Variants in C1QTNF3 observed in about 807,000 individuals in gnomAD.
C1QTNF3 encodes the protein C1q and TNF related 3.
C1QTNF3 carries 26 observed loss-of-function variants against 32.6 expected under a neutral mutation model. The ratio of observed to expected loss-of-function variants is 0.80; its 90% confidence interval spans 0.58 to 1.11. The LOEUF (loss-of-function observed/expected upper bound fraction) is 1.11, where lower values mean the gene tolerates loss of function less well. C1QTNF3 is among the 50% of genes least tolerant of loss of function. C1QTNF3 has a pLI of 0.00. For missense variants in C1QTNF3, 362 were observed against 398.2 expected (o/e 0.91, Z 0.77); for synonymous variants, 155 against 146.0 (o/e 1.06, Z -0.44).
At chr5:34,229,914 G>T in the C1QTNF3 span, among the ~76,000 whole-genome samples, 3 of 152,076 alleles carry the variant, frequency 2.0e-5, no homozygotes, top group African/African-American at 7.2e-5. Flanking sequence ...ATAAGAAAAG[G>T]TGGAGATACT....
chr5:34,170,671 C>T, the C1QTNF3 span, among the ~76,000 whole-genome samples: 7 of 152,080 alleles, frequency 4.6e-5, no homozygotes, highest in Non-Finnish European at 1.0e-4. Flanking sequence ...AAAATTCAAA[C>T]TTCAGAAAAT....
the C1QTNF3 span, among the ~76,000 whole-genome samples, chr5:34,160,307 T>C: frequency 2.0e-5 from 3 of 152,220 alleles, no homozygotes; most frequent in Non-Finnish European, 2.9e-5. Context: ...TTGAAATCAT[T>C]AGTTTATTTC....
chr5:34,018,565 A>T lies in C1QTNF3; in HGVS notation c.*2018T>A, dbSNP rs1190592770. Among the ~76,000 whole-genome samples, 1 of 152,222 alleles carries T rather than the reference A, an allele frequency of 6.6e-6. No homozygotes were observed. The highest frequency in any genetic ancestry group is 1.9e-4 in the East Asian group (1 of 5,196). On this transcript the variant is annotated 3_prime_UTR_variant, in exon 6 of 6. Transcript: ENST00000382065. Reference sequence around the variant, plus strand: ...TCTTGCATAAAGTAAATGTTTATGAATTCCAGCCACATCATTTGGAGTTTA... The same window carrying T: ...TCTTGCATAAAGTAAATGTTTATGATTTCCAGCCACATCATTTGGAGTTTA...
At chr5:34,173,006 G>A in the C1QTNF3 span, among the ~76,000 whole-genome samples, 3 of 152,078 alleles carry the variant, frequency 2.0e-5, no homozygotes, top group South Asian at 4.1e-4. Flanking sequence ...TTAGGTTCAA[G>A]GGTGGACTTT....
At chr5:34,242,492 C>T in the C1QTNF3 span, among the ~76,000 whole-genome samples, 1 of 152,166 alleles carries the variant, frequency 6.6e-6, no homozygotes, top group Admixed American at 6.5e-5. Flanking sequence ...TTACCTTCCA[C>T]CATACACATA....
the C1QTNF3 span, among the ~76,000 whole-genome samples, chr5:34,091,671 C>G: frequency 6.6e-6 from 1 of 152,232 alleles, no homozygotes; most frequent in African/African-American, 2.4e-5. Flanking sequence ...TATAAACTGA[C>G]TTAAAACCTT....
chr5:34,173,988 A>G, the C1QTNF3 span, among the ~76,000 whole-genome samples: 2 of 152,338 alleles, frequency 1.3e-5, no homozygotes, highest in South Asian at 4.1e-4. Flanking sequence ...TTGATCATGG[A>G]GTCTCTAGAA....
At chr5:34,224,989 G>A in the C1QTNF3 span, among the ~76,000 whole-genome samples, 41 of 152,122 alleles carry the variant, frequency 2.7e-4, no homozygotes, top group South Asian at 1.2e-3. Context: ...AAAAGTGGGC[G>A]AAGGACATGA....
At chr5:34,186,781 G>A in the C1QTNF3 span, among the ~76,000 whole-genome samples, 1 of 152,414 alleles carries the variant, frequency 6.6e-6, no homozygotes, top group East Asian at 1.9e-4. Context: ...CATAATTTCT[G>A]TTTGATTTTG....
chr5:34,078,285 A>G, the C1QTNF3 span, among the ~76,000 whole-genome samples: 1 of 151,692 alleles, frequency 6.6e-6, no homozygotes, highest in African/African-American at 2.4e-5. This position sits in a 1 kb window ranked among gnomAD's most constrained non-coding sequence, Gnocchi z 4.0. Context: ...CCGGATACCC[A>G]GCAGTGATAA....
chr5:34,111,127 T>C, the C1QTNF3 span, among the ~76,000 whole-genome samples: 1 of 152,200 alleles, frequency 6.6e-6, no homozygotes, highest in African/African-American at 2.4e-5. Context: ...ATAGACTTAT[T>C]TGGAAAGCAA....
At chr5:34,076,971 TA>T in the C1QTNF3 span, among the ~76,000 whole-genome samples, 1 of 151,738 alleles carries the variant, frequency 6.6e-6, no homozygotes, top group African/African-American at 2.4e-5. Context: ...ATAGGTAACT[TA>T]AACAAGGGAA....
the C1QTNF3 span, among the ~76,000 whole-genome samples, chr5:34,160,116 T>A: frequency 8.5e-5 from 13 of 152,180 alleles, no homozygotes; most frequent in Non-Finnish European, 1.8e-4. Flanking sequence ...TATTATTCAG[T>A]ACTGAGGGCA....
At chr5:34,226,765 T>C in the C1QTNF3 span, among the ~76,000 whole-genome samples, 2 of 150,724 alleles carry the variant, frequency 1.3e-5, no homozygotes, top group African/African-American at 2.4e-5. Context: ...TCGTATGCTG[T>C]ATGTATTTTA....
chr5:34,169,993 G>A, the C1QTNF3 span, among the ~76,000 whole-genome samples: 2 of 152,102 alleles, frequency 1.3e-5, no homozygotes, highest in Admixed American at 6.6e-5. Flanking sequence ...CACATTTATA[G>A]CATCATTTTT....
chr5:34,196,061 C>T, the C1QTNF3 span, among the ~76,000 whole-genome samples: 1 of 152,280 alleles, frequency 6.6e-6, no homozygotes, highest in Admixed American at 6.5e-5. Context: ...GGAAGCAGGC[C>T]CTCTTTAAGA....
At chr5:34,198,584 GCCTTTGTGA>G in the C1QTNF3 span, among the ~76,000 whole-genome samples, 1 of 73,732 alleles carries the variant, frequency 1.4e-5, no homozygotes, top group Non-Finnish European at 2.6e-5. Flanking sequence ...TAAAACCCTA[GCCTTTGTGA>G]CCTTGTCTCA....
the C1QTNF3 span, among the ~76,000 whole-genome samples, chr5:34,224,322 A>G: frequency 6.6e-6 from 1 of 152,208 alleles, no homozygotes; most frequent in Non-Finnish European, 1.5e-5. Context: ...ATATGGAACC[A>G]AAAAAGAGCC....
intron 1 of C1QTNF3, among the ~76,000 whole-genome samples, chr5:34,039,382 T>C (rs1214737872): frequency 6.6e-6 from 1 of 152,208 alleles, no homozygotes; most frequent in East Asian, 1.9e-4. Flanking sequence ...AACTTTTTAA[T>C]AAACTTTCAT....
Sources: gnomAD v4.1 joint callset for allele counts (sites outside exome capture counted in the v4.1 genomes callset) on GRCh38, gnomAD v4.1.1 for gene constraint, Gnocchi (gnomAD v3.1) non-coding constraint, MANE v1.5 for transcripts, NCBI Gene and HGNC (gene_info 2026-07-23, HGNC 2026-07-21) for gene names.